The following RCC2 variants were observed in gnomAD, a reference collection of about 807,000 sequenced individuals.
RCC2 encodes regulator of chromosome condensation 2.
A neutral mutation model predicts 64.1 loss-of-function variants in RCC2; 19 were observed. The ratio of observed to expected loss-of-function variants is 0.30; its 90% CI spans 0.21 to 0.44. The LOEUF is 0.44. Ranked by LOEUF, RCC2 falls within the 20% of genes least tolerant of loss-of-function variation. The pLI is 1.00. For missense variants in RCC2, 508 were observed against 710.4 expected (o/e 0.72, Z 3.24); for synonymous variants, 325 against 279.6 (o/e 1.16, Z -1.62).
chr1:17,435,412 A>G (rs917310892), intron 2 of RCC2, among the ~76,000 whole-genome samples: 23 of 152,210 alleles, frequency 1.5e-4, no homozygotes, highest in African/African-American at 5.3e-4. Context: ...GGGGCAAGGC[A>G]TGCAAAATGC....
At chr1:17,432,997 T>C (rs752045209) in intron 2 of RCC2, among the ~76,000 whole-genome samples, 3 of 151,954 alleles carry the variant, frequency 2.0e-5, no homozygotes, top group Non-Finnish European at 4.4e-5. Context: ...AAAATATATA[T>C]ATACACTCAC....
At chr1:17,429,272 C>CAG in intron 2 of RCC2, 73 bp from the exon 3 acceptor site, 1 of 1,166,796 alleles carries the variant, frequency 8.6e-7, no homozygotes, top group Non-Finnish European at 1.3e-6. Flanking sequence ...TGTCCAATGA[C>CAG]AGCACGAAAC....
At position 17,408,085 on chromosome 1, in the gene RCC2, G is replaced by A. The variant is rs2100345664; in HGVS notation, c.*1005C>T. 1 of 152,360 alleles carries A rather than the reference G, an allele frequency of 6.6e-6. No homozygotes were observed. The highest frequency in any genetic ancestry group is 1.9e-4 in the East Asian group (1 of 5,184). The allele number at this position is 152,360 out of a possible 1,614,324, so 9.4% of individuals were successfully genotyped here. A position where few individuals can be genotyped will look rare whatever the true frequency, so the allele number is the denominator to read the frequency against. ...CAAGCAAACGTGACTAAAGGGAGCT[G>A]GGTCAGCAGAACGGTACCCCGAGTC... On this transcript the variant is annotated 3_prime_UTR_variant, in exon 13 of 13. Transcript: ENST00000375436.
At chr1:17,436,490 G>A (rs1253427373) in intron 2 of RCC2, among the ~76,000 whole-genome samples, 1 of 152,132 alleles carries the variant, frequency 6.6e-6, no homozygotes, top group Non-Finnish European at 1.5e-5. Context: ...CCTGGCCATA[G>A]AGGGAGACTC....
At chr1:17,409,541 CTG>C (rs1159538130) in intron 12 of RCC2, among the ~76,000 whole-genome samples, 4 of 152,218 alleles carry the variant, frequency 2.6e-5, no homozygotes, top group African/African-American at 7.2e-5. Context: ...CCACCCCTCT[CTG>C]TGTCTTGGCA....
At chr1:17,435,379 ACCT>A (rs2075725586) in intron 2 of RCC2, among the ~76,000 whole-genome samples, 1 of 152,056 alleles carries the variant, frequency 6.6e-6, no homozygotes, top group South Asian at 2.1e-4. Context: ...TTTCACACAG[ACCT>A]CCTCCTAGCA....
At chr1:17,435,162 GAA>G (rs2075722815) in intron 2 of RCC2, among the ~76,000 whole-genome samples, 1 of 152,048 alleles carries the variant, frequency 6.6e-6, no homozygotes, top group African/African-American at 2.4e-5. Context: ...GAGAGCGGAG[GAA>G]AAAAGAATTT....
Position 17,414,615 on chromosome 1 carries a change from C to T in RCC2, c.1027-898G>A, listed in dbSNP as rs572092262. Among the ~76,000 whole-genome samples the T allele has an allele frequency of 1.1e-4, 16 of 151,912 alleles. No homozygotes were observed. The South Asian group carries it at 2.7e-3, about 26-fold the overall frequency. ...TGCAGAAAGAACAGAAAAGGCCTAC[C>T]TGTTCCTGGATTTTTCGTTTCTTTT... On this transcript the variant is annotated intron_variant, in intron 8 of 12. Transcript: ENST00000375436.
intron 8 of RCC2, among the ~76,000 whole-genome samples, chr1:17,414,195 C>T (rs1475548496): frequency 6.6e-6 from 1 of 152,142 alleles, no homozygotes; most frequent in African/African-American, 2.4e-5. Flanking sequence ...AGCAACAGGG[C>T]TATGTCTCCT....
intron 1 of RCC2, 42 bp from the exon 2 acceptor site, chr1:17,438,564 A>T (rs529764966): frequency 5.3e-4 from 683 of 1,286,742 alleles, no homozygotes; most frequent in Non-Finnish European, 6.3e-4. Context: ...TGGACGGGTT[A>T]TAAACTGCGC....
At chr1:17,425,790 T>C in intron 3 of RCC2, 106 bp from the exon 4 acceptor site, 1 of 1,228,464 alleles carries the variant, frequency 8.1e-7, no homozygotes, top group South Asian at 1.5e-5. Context: ...CAGGGACAGG[T>C]GTTCCTCGGG....
chr1:17,425,073 C>A (rs1401140068), intron 4 of RCC2, among the ~76,000 whole-genome samples: 2 of 152,188 alleles, frequency 1.3e-5, no homozygotes, highest in African/African-American at 4.8e-5. Context: ...AGACCTCAGA[C>A]ACGAGGGCCA....
At chr1:17,429,993 T>TC (rs1315353660) in intron 2 of RCC2, among the ~76,000 whole-genome samples, 4 of 152,208 alleles carry the variant, frequency 2.6e-5, no homozygotes, top group African/African-American at 4.8e-5. Context: ...AGGCCATTGT[T>TC]CAATTCTGGG....
chr1:17,414,766 G>A (rs1003972719), intron 8 of RCC2, among the ~76,000 whole-genome samples: 3 of 152,070 alleles, frequency 2.0e-5, no homozygotes, highest in African/African-American at 7.2e-5. Flanking sequence ...CAAGTCGCTA[G>A]GACTTGGGTG....
chr1:17,424,699 A>G (rs1221936490), intron 4 of RCC2, among the ~76,000 whole-genome samples: 1 of 152,226 alleles, frequency 6.6e-6, no homozygotes, highest in Non-Finnish European at 1.5e-5. Context: ...ATGCAGTCAT[A>G]TGGACTAAAA....
At chr1:17,433,714 C>T (rs1159201202) in intron 2 of RCC2, among the ~76,000 whole-genome samples, 3 of 152,168 alleles carry the variant, frequency 2.0e-5, no homozygotes, top group South Asian at 4.1e-4. Context: ...CTTCTTCAAT[C>T]AACAAAATGG....
At chr1:17,413,817 G>A (rs2075452436) in intron 8 of RCC2, 100 bp from the exon 9 acceptor site, 1 of 1,086,914 alleles carries the variant, frequency 9.2e-7, no homozygotes, top group Non-Finnish European at 1.3e-6. Context: ...AAATGCTAAG[G>A]GCAAAGGAAC....
At chr1:17,425,471 A>G in intron 4 of RCC2, 70 bp downstream of exon 4, 1 of 1,441,412 alleles carries the variant, frequency 6.9e-7, no homozygotes, top group Non-Finnish European at 9.3e-7. Flanking sequence ...CCAGGCAAAC[A>G]GAAGAACGTG....
At chr1:17,433,421 G>A (rs368982282) in intron 2 of RCC2, among the ~76,000 whole-genome samples, 2 of 152,188 alleles carry the variant, frequency 1.3e-5, no homozygotes, top group East Asian at 1.9e-4. Flanking sequence ...CACCCGGGGC[G>A]GCGGGGCAGG....
Sources: allele counts gnomAD v4.1 joint callset (sites outside exome capture counted in the v4.1 genomes callset), GRCh38; gene constraint gnomAD v4.1.1; transcripts MANE v1.5; gene names NCBI Gene and HGNC (gene_info 2026-07-23, HGNC 2026-07-21).